The following TTC23L variants were observed in gnomAD, a reference collection of about 807,000 sequenced individuals.
The protein encoded by TTC23L is tetratricopeptide repeat domain 23 like.
Under a neutral mutation model 48.1 loss-of-function variants are expected in TTC23L, and 42 were observed. The observed-to-expected ratio is 0.87, with a 90% CI of 0.68 to 1.13. The LOEUF is 1.13. TTC23L is among the 50% of genes most tolerant of loss of function. The pLI is 0.00. For synonymous variants in TTC23L, 159 were observed against 157.2 expected (o/e 1.01, Z -0.09); for missense variants, 391 against 421.0 (o/e 0.93, Z 0.62).
the TTC23L span, chr5:34,913,640 C>A: frequency 1.0e-6 from 1 of 987,962 alleles, no homozygotes; most frequent in South Asian, 1.6e-5. Context: ...AATATAAGGT[C>A]CTAGATTTCA....
At chr5:34,924,313 C>T in the TTC23L span, among the ~76,000 whole-genome samples, 183 of 152,342 alleles carry the variant, frequency 1.2e-3, no homozygotes, top group African/African-American at 4.2e-3. Flanking sequence ...GAGTTGAACA[C>T]ATCATCCTAA....
chr5:34,923,045 A>C, the TTC23L span: 1 of 1,553,602 alleles, frequency 6.4e-7, no homozygotes, highest in Non-Finnish European at 8.9e-7. Context: ...AAGAACTCTT[A>C]ATTCAGGTAA....
the TTC23L span, chr5:34,922,778 T>A: frequency 6.2e-7 from 1 of 1,611,394 alleles, no homozygotes; most frequent in Admixed American, 1.7e-5. Context: ...TGTAAGTTTC[T>A]CATTCAGTGT....
intron 8 of TTC23L, among the ~76,000 whole-genome samples, chr5:34,873,729 C>G (rs1761636820): frequency 6.6e-6 from 1 of 152,020 alleles, no homozygotes; most frequent in Admixed American, 6.5e-5. Context: ...CCCTGGATAC[C>G]CACAAAACTA....
At chr5:34,879,158 AG>A (rs1194396115) in intron 8 of TTC23L, among the ~76,000 whole-genome samples, 1 of 152,224 alleles carries the variant, frequency 6.6e-6, no homozygotes, top group Non-Finnish European at 1.5e-5. Context: ...ACATGGGCTT[AG>A]TGCAGTGTTA....
At chr5:34,846,248 TA>T (rs369887572) in intron 3 of TTC23L, among the ~76,000 whole-genome samples, 205 of 151,754 alleles carry the variant, frequency 1.4e-3, no homozygotes, top group African/African-American at 4.7e-3. Flanking sequence ...TTGTTGCTGT[TA>T]CCTTTAACTT....
At chr5:34,880,087 C>G in intron 8 of TTC23L, 94 bp from the exon 9 acceptor site, 1 of 1,459,428 alleles carries the variant, frequency 6.9e-7, no homozygotes, top group East Asian at 2.3e-5. Context: ...CAAGCATGGA[C>G]TTTAAGCATG....
chr5:34,923,310 G>T, the TTC23L span: 2 of 1,188,644 alleles, frequency 1.7e-6, no homozygotes, highest in Non-Finnish European at 2.5e-6. Context: ...ACAGAGTCTC[G>T]CTCTTGTTGC....
chr5:34,881,659 A>G (rs543079608), intron 9 of TTC23L, among the ~76,000 whole-genome samples: 1 of 152,296 alleles, frequency 6.6e-6, no homozygotes, highest in South Asian at 2.1e-4. Flanking sequence ...ATAAATGATG[A>G]CGTTTTCTTT....
rs756158799 is a variant in TTC23L at position 34,845,682 on chromosome 5, A to G, written c.255+9A>G. On this transcript the variant is annotated intron_variant, in intron 3 of 10. Coordinates refer to ENST00000505624, the Ensembl canonical transcript of TTC23L. The stretch of plus-strand genomic sequence containing the variant: ...TGATTAAGGAAAAAATGGTAAAACA[A>G]AAAACTCACTAAAATTTTGTTTCCA... 6.3e-7 allele frequency: 1 copy of G among 1,594,308 alleles called. No individual in the cohort carries two copies. The highest frequency in any genetic ancestry group is 1.1e-5 in the South Asian group (1 of 87,498).
At chr5:34,852,860 T>C (rs1430780791) in intron 4 of TTC23L, among the ~76,000 whole-genome samples, 1 of 152,092 alleles carries the variant, frequency 6.6e-6, no homozygotes, top group African/African-American at 2.4e-5. Flanking sequence ...ACAATCATGA[T>C]GGAAGGCCAA....
chr5:34,919,588 T>C, the TTC23L span, among the ~76,000 whole-genome samples: 181 of 152,296 alleles, frequency 1.2e-3, no homozygotes, highest in African/African-American at 4.2e-3. Context: ...TACCTAAATA[T>C]TGAGAAACAC....
chr5:34,922,934 C>G, the TTC23L span: 12 of 1,286,694 alleles, frequency 9.3e-6, no homozygotes, highest in Non-Finnish European at 1.3e-5. Context: ...GTTATAGAAA[C>G]AAATGAGCAA....
chr5:34,852,493 G>A (rs999873583), intron 4 of TTC23L, among the ~76,000 whole-genome samples: 1 of 152,156 alleles, frequency 6.6e-6, no homozygotes, highest in African/African-American at 2.4e-5. Context: ...ACTCCAGGAT[G>A]GGTTGGACTG....
the TTC23L span, among the ~76,000 whole-genome samples, chr5:34,924,081 T>C: frequency 6.6e-6 from 1 of 152,208 alleles, no homozygotes; most frequent in African/African-American, 2.4e-5. Context: ...AAAATGTAAT[T>C]GCTCTAGAAG....
intron 4 of TTC23L, among the ~76,000 whole-genome samples, chr5:34,854,994 AAGAAGG>A (rs1760005639): frequency 6.6e-6 from 1 of 152,114 alleles, no homozygotes; most frequent in East Asian, 1.9e-4. Flanking sequence ...AAGGGTTGTA[AAGAAGG>A]AGTAGGGTTT....
chr5:34,865,548 T>C (rs527992016), intron 6 of TTC23L, among the ~76,000 whole-genome samples: 1 of 152,356 alleles, frequency 6.6e-6, no homozygotes, highest in East Asian at 1.9e-4. Flanking sequence ...ATTTTGTTCA[T>C]CCATTCTCCA....
chr5:34,907,059 C>G, the TTC23L span: 2 of 152,150 alleles, frequency 1.3e-5, no homozygotes, highest in African/African-American at 4.8e-5. Context: ...TACTAGTTAT[C>G]AGGTGCTGAC....
At chr5:34,860,386 A>G (rs780068275) in intron 4 of TTC23L, among the ~76,000 whole-genome samples, 1 of 152,218 alleles carries the variant, frequency 6.6e-6, no homozygotes, top group Non-Finnish European at 1.5e-5. Flanking sequence ...AGATTTTACT[A>G]ACTATGTATT....
Sources: allele counts gnomAD v4.1 joint callset (sites outside exome capture counted in the v4.1 genomes callset), GRCh38; gene constraint gnomAD v4.1.1; transcripts MANE v1.5; gene names NCBI Gene and HGNC (gene_info 2026-07-23, HGNC 2026-07-21).